The following HNF4G variants were observed in gnomAD, a reference collection of about 807,000 sequenced individuals.
HNF4G encodes hepatocyte nuclear factor 4-gamma.
A neutral mutation model predicts 50.9 loss-of-function variants in HNF4G; 21 were observed. The observed-to-expected ratio is 0.41, with a 90% CI of 0.29 to 0.59. HNF4G has a LOEUF of 0.59. Among genes scored for constraint, HNF4G ranks in the 20% least tolerant of loss-of-function variants. The pLI is 0.26. For synonymous variants in HNF4G, 198 were observed against 185.6 expected, an observed-to-expected ratio of 1.07 and a Z score of -0.54; for missense variants, 527 against 559.4, an observed-to-expected ratio of 0.94 and a Z score of 0.58.
chr8:75,422,253 A>G (rs1397912333), intron 1 of HNF4G, among the ~76,000 whole-genome samples: 4 of 152,226 alleles, frequency 2.6e-5, no homozygotes, highest in Non-Finnish European at 1.5e-5. Flanking sequence ...ATACTCAACC[A>G]AAAGCTAGTA....
At chr8:75,465,439 A>G (rs1811947030) in intron 1 of HNF4G, among the ~76,000 whole-genome samples, 2 of 152,184 alleles carry the variant, frequency 1.3e-5, no homozygotes, top group South Asian at 2.1e-4. Context: ...CTTGAAGGCA[A>G]TATTTTATCT....
chr8:75,526,931 T>G (rs1345235644), intron 2 of HNF4G: 1 of 151,814 alleles, frequency 6.6e-6, no homozygotes, highest in Non-Finnish European at 1.5e-5. Context: ...CACGCCTGGA[T>G]AATTTTTTTT....
intron 2 of HNF4G, among the ~76,000 whole-genome samples, chr8:75,546,636 C>T (rs1174938442): frequency 6.6e-6 from 1 of 152,054 alleles, no homozygotes; most frequent in Non-Finnish European, 1.5e-5. Flanking sequence ...TTGTGACTTA[C>T]TTCTTTTGTT....
rs759444672 is a variant in HNF4G at position 75,450,215 on chromosome 8, T to C, written c.-143-39874T>C. On this transcript the variant is annotated intron_variant, in intron 1 of 10. Transcript: ENST00000354370. ...ATTTTTAAGGCCGAATAATATTCAA[T>C]TGTGTATGTATTCGACATTTTCTTT... Among the ~76,000 whole-genome samples, 77 of 152,330 alleles carry C rather than the reference T, an allele frequency of 5.1e-4. 1 individual carries two copies. Among genetic ancestry groups the C allele is most frequent in the Admixed American group, 3.3e-3 (50 of 15,300 alleles).
At chr8:75,415,590 G>C (rs957741781) in intron 1 of HNF4G, among the ~76,000 whole-genome samples, 1 of 152,116 alleles carries the variant, frequency 6.6e-6, no homozygotes, top group Non-Finnish European at 1.5e-5. Context: ...ACTAAGAATT[G>C]AGCATTGCAG....
intron 2 of HNF4G, among the ~76,000 whole-genome samples, chr8:75,516,391 T>A (rs1479255679): frequency 6.6e-6 from 1 of 152,182 alleles, no homozygotes; most frequent in Non-Finnish European, 1.5e-5. Context: ...GGTATCTTTT[T>A]ATTATTTCTA....
intron 3 of HNF4G, 81 bp downstream of exon 3, chr8:75,547,762 C>A: frequency 1.1e-6 from 1 of 876,222 alleles, no homozygotes; most frequent in Non-Finnish European, 1.9e-6. Context: ...ATTAGTATAA[C>A]TTTTTACATG....
At chr8:75,505,548 G>A (rs550866233) in intron 2 of HNF4G, among the ~76,000 whole-genome samples, 1 of 152,044 alleles carries the variant, frequency 6.6e-6, no homozygotes, top group Admixed American at 6.6e-5. Context: ...ACTAAAATAT[G>A]AACAAAGTTA....
At chr8:75,506,105 T>C (rs1158305453) in intron 2 of HNF4G, among the ~76,000 whole-genome samples, 1 of 151,966 alleles carries the variant, frequency 6.6e-6, no homozygotes, top group East Asian at 1.9e-4. Flanking sequence ...ACATTAGGCA[T>C]ATATTAGAGA....
At chr8:75,431,077 T>G (rs1585836596) in intron 1 of HNF4G, among the ~76,000 whole-genome samples, 1 of 152,074 alleles carries the variant, frequency 6.6e-6, no homozygotes, top group African/African-American at 2.4e-5. Context: ...AAGTTGAAAT[T>G]TATTGTATGT....
intron 1 of HNF4G, among the ~76,000 whole-genome samples, chr8:75,444,207 C>A (rs901154956): frequency 6.6e-6 from 1 of 151,572 alleles, no homozygotes; most frequent in Non-Finnish European, 1.5e-5. Context: ...GAAATAAAAT[C>A]CTTTACAGAC....
At chr8:75,430,129 C>T (rs986382139) in intron 1 of HNF4G, among the ~76,000 whole-genome samples, 13 of 146,704 alleles carry the variant, frequency 8.9e-5, no homozygotes, top group African/African-American at 2.3e-4. Flanking sequence ...CCAGCCTGGT[C>T]AACAGAACGA....
At chr8:75,451,500 T>C (rs1811583178) in intron 1 of HNF4G, among the ~76,000 whole-genome samples, 1 of 152,208 alleles carries the variant, frequency 6.6e-6, no homozygotes, top group Non-Finnish European at 1.5e-5. Context: ...CTTTAATCCA[T>C]GTTGAGTTGA....
At chr8:75,418,049 G>T (rs750678247) in intron 1 of HNF4G, among the ~76,000 whole-genome samples, 3 of 152,054 alleles carry the variant, frequency 2.0e-5, no homozygotes, top group Non-Finnish European at 4.4e-5. Flanking sequence ...CCACGTACTG[G>T]GTGGCTTAAA....
intron 1 of HNF4G, among the ~76,000 whole-genome samples, chr8:75,471,382 C>T (rs190878732): frequency 1.3e-5 from 2 of 152,128 alleles, no homozygotes; most frequent in South Asian, 4.2e-4. Context: ...CATTATATAG[C>T]TCTCATATTT....
At chr8:75,473,081 G>A (rs540938778) in intron 1 of HNF4G, among the ~76,000 whole-genome samples, 10 of 152,144 alleles carry the variant, frequency 6.6e-5, no homozygotes, top group South Asian at 4.1e-4. Flanking sequence ...AGGCCGAGGC[G>A]GGTGGATCAC....
chr8:75,526,058 T>A (rs1806169078), intron 2 of HNF4G, among the ~76,000 whole-genome samples: 1 of 152,110 alleles, frequency 6.6e-6, no homozygotes, highest in African/African-American at 2.4e-5. Flanking sequence ...ATAGAACCGA[T>A]CTTCATTATT....
At chr8:75,486,762 G>A (rs1259625144) in intron 1 of HNF4G, among the ~76,000 whole-genome samples, 1 of 152,110 alleles carries the variant, frequency 6.6e-6, no homozygotes, top group African/African-American at 2.4e-5. Context: ...CCAGCGCTTC[G>A]GGAGGTTGAG....
chr8:75,549,664 C>T (rs1585946875), intron 3 of HNF4G, among the ~76,000 whole-genome samples: 1 of 150,574 alleles, frequency 6.6e-6, no homozygotes, highest in African/African-American at 2.4e-5. Flanking sequence ...AACATGCAGG[C>T]TAGTTACATA....
Sources: gnomAD v4.1 joint callset for allele counts (sites outside exome capture counted in the v4.1 genomes callset) on GRCh38, gnomAD v4.1.1 for gene constraint, MANE v1.5 for transcripts, NCBI Gene and HGNC (gene_info 2026-07-23, HGNC 2026-07-21) for gene names.